SYT16: variants seen among roughly 807,000 people sequenced by gnomAD.
The protein encoded by SYT16 is synaptotagmin 16.
In SYT16, 42 loss-of-function variants were observed where a neutral mutation model predicts 61.4. That is an observed-to-expected ratio of 0.68 (90% CI 0.53 to 0.89). The LOEUF (loss-of-function observed/expected upper bound fraction) is 0.89, where lower values mean the gene tolerates loss of function less well. Among genes scored for constraint, SYT16 ranks in the 40% least tolerant of loss-of-function variants. The pLI, the probability that SYT16 is intolerant of heterozygous loss-of-function variation, is 0.00. For missense variants in SYT16, 804 were observed against 807.3 expected (o/e 1.00, Z 0.05); for synonymous variants, 314 against 302.3 (o/e 1.04, Z -0.40).
intron 1 of SYT16, among the ~76,000 whole-genome samples, chr14:61,902,737 C>T (rs2048567036): frequency 6.6e-6 from 1 of 152,140 alleles, no homozygotes; most frequent in Non-Finnish European, 1.5e-5. Context: ...CTCAAATTTC[C>T]ACATGGCTGG....
chr14:61,827,308 TCAGCTAG>T (rs1267932111), intron 1 of SYT16, among the ~76,000 whole-genome samples: 1 of 152,176 alleles, frequency 6.6e-6, no homozygotes, highest in Admixed American at 6.5e-5. Context: ...GCTGCATGAA[TCAGCTAG>T]CCTGTTGTGG....
rs183405793 is a variant in SYT16 at position 61,877,285 on chromosome 14, A to G, written c.-325+64475A>G. 7.9e-5 allele frequency among the ~76,000 whole-genome samples: 12 copies of G among 152,236 alleles called. No individual in the cohort carries two copies. In the East Asian group the frequency reaches 2.3e-3, roughly 29 times the overall value. ...TGGTTGGCATTCTTGTCTGCACCTC[A>G]GGGAGGGAAGGTTGTCACACACACA... is the stretch of plus-strand genomic sequence containing the variant. On this transcript the variant is annotated intron_variant, in intron 1 of 7. Transcript: ENST00000683842.
chr14:61,996,002 G>A lies in SYT16; in HGVS notation c.-18G>A. The A allele has an allele frequency of 2.6e-6, 4 of 1,564,684 alleles. No homozygotes were observed. Among genetic ancestry groups the A allele is most frequent in the Non-Finnish European group, 3.5e-6 (4 of 1,156,642 alleles). ...AGGAACTGAACAACTGGACACTGTAGACATCAGATAGCTGGCCATGGTGTT... is the reference window on the plus strand; with the variant it reads ...AGGAACTGAACAACTGGACACTGTAAACATCAGATAGCTGGCCATGGTGTT... On this transcript the variant is annotated 5_prime_UTR_variant, in exon 3 of 8. Transcript: ENST00000683842.
intron 1 of SYT16, among the ~76,000 whole-genome samples, chr14:61,859,037 T>G (rs1413325563): frequency 2.0e-5 from 3 of 151,716 alleles, no homozygotes; most frequent in Non-Finnish European, 4.4e-5. Context: ...TTTTTTGTAT[T>G]TTTAGTAGAG....
chr14:62,058,438 A>G (rs532082728), intron 3 of SYT16, among the ~76,000 whole-genome samples: 71 of 148,728 alleles, frequency 4.8e-4, no homozygotes, highest in African/African-American at 1.6e-3. Flanking sequence ...GCTCACTGCA[A>G]CCTCCGCGTC....
intron 1 of SYT16, among the ~76,000 whole-genome samples, chr14:61,966,562 A>G (rs1489102359): frequency 6.6e-6 from 1 of 152,186 alleles, no homozygotes. Context: ...TGCCATGTAG[A>G]TAAAGTGACT....
At chr14:62,078,422 C>T (rs1311379841) in intron 5 of SYT16, among the ~76,000 whole-genome samples, 1 of 152,032 alleles carries the variant, frequency 6.6e-6, no homozygotes, top group African/African-American at 2.4e-5. Flanking sequence ...GCTTGAGTTT[C>T]GTCCTCCATA....
At chr14:61,930,078 A>G (rs539490058) in intron 1 of SYT16, among the ~76,000 whole-genome samples, 73 of 152,250 alleles carry the variant, frequency 4.8e-4, no homozygotes, top group Non-Finnish European at 8.5e-4. Flanking sequence ...TGGTGCTCAC[A>G]TCTTATCTAG....
chr14:61,971,855 C>A (rs2051573190), intron 2 of SYT16, among the ~76,000 whole-genome samples: 2 of 152,290 alleles, frequency 1.3e-5, no homozygotes, highest in Admixed American at 1.3e-4. Flanking sequence ...TTACAGCTTG[C>A]CATGCAAAAG....
chr14:61,818,729 C>T (rs964816500), intron 1 of SYT16, among the ~76,000 whole-genome samples: 12 of 150,264 alleles, frequency 8.0e-5, no homozygotes, highest in African/African-American at 1.2e-4. Flanking sequence ...TATAGAATAG[C>T]AGAGTTCTGA....
chr14:62,059,694 AT>A (rs2055734848), intron 3 of SYT16, among the ~76,000 whole-genome samples: 1 of 144,204 alleles, frequency 6.9e-6, no homozygotes, highest in African/African-American at 2.6e-5. Flanking sequence ...ATATATATGT[AT>A]ATATATACAT....
chr14:62,001,213 ATT>A (rs2053001753), intron 3 of SYT16, among the ~76,000 whole-genome samples: 1 of 152,134 alleles, frequency 6.6e-6, no homozygotes, highest in Non-Finnish European at 1.5e-5. Context: ...GTTTAAAAAT[ATT>A]TTAATTATTT....
At chr14:62,014,243 A>G (rs2140722612) in intron 3 of SYT16, among the ~76,000 whole-genome samples, 1 of 152,360 alleles carries the variant, frequency 6.6e-6, no homozygotes, top group East Asian at 1.9e-4. Context: ...GTTTAAAAAC[A>G]TAACTAATCA....
chr14:61,859,197 G>T (rs1301095201), intron 1 of SYT16, among the ~76,000 whole-genome samples: 1 of 152,126 alleles, frequency 6.6e-6, no homozygotes. Context: ...AGCCTGTAAA[G>T]TCGAGCTGCA....
In SYT16 at chr14:62,075,269, A is replaced by G. The variant is rs2056444430; in HGVS notation, c.871A>G (p.Ser291Gly). 1 of 1,613,940 alleles carries G rather than the reference A, an allele frequency of 6.2e-7. No homozygotes were observed. ...KHHGTSHQES[S>G]VVQSLRRQST... ...CCACGGCACATCTCACCAAGAGTCC[A>G]GTGTGGTCCAAAGCCTCAGGCGCCA... Residue 291 changes from serine to glycine, a missense_variant, in exon 5 of 8, where the codon AGT becomes GGT. Transcript: ENST00000683842.
intron 1 of SYT16, among the ~76,000 whole-genome samples, chr14:61,918,706 C>CA (rs574502440): frequency 1.7e-4 from 26 of 150,000 alleles, no homozygotes; most frequent in African/African-American, 2.0e-4. Context: ...TCTGAAAATA[C>CA]AAAAAAAAAG....
chr14:62,073,508 A>C (rs983250743), intron 4 of SYT16, among the ~76,000 whole-genome samples: 1 of 152,218 alleles, frequency 6.6e-6, no homozygotes, highest in Non-Finnish European at 1.5e-5. Flanking sequence ...TTTGCCAAAT[A>C]ACCGAAAGTC....
chr14:62,037,428 A>G (rs764991793), intron 3 of SYT16, among the ~76,000 whole-genome samples: 4 of 152,196 alleles, frequency 2.6e-5, no homozygotes, highest in Admixed American at 6.5e-5. Context: ...AATCAGGGAC[A>G]CATAATTAGC....
At chr14:62,030,458 G>T (rs150077417) in intron 3 of SYT16, among the ~76,000 whole-genome samples, 1 of 152,308 alleles carries the variant, frequency 6.6e-6, no homozygotes, top group African/African-American at 2.4e-5. Flanking sequence ...ACGGAGACAA[G>T]TGTGGCCTCA....
Sources: gnomAD v4.1 joint callset for allele counts (sites outside exome capture counted in the v4.1 genomes callset) on GRCh38, gnomAD v4.1.1 for gene constraint, MANE v1.5 for transcripts, NCBI Gene and HGNC (gene_info 2026-07-23, HGNC 2026-07-21) for gene names.